Variants in ZFPM2 observed in about 807,000 individuals in gnomAD.
ZFPM2 encodes the protein zinc finger protein ZFPM2.
ZFPM2 carries 20 observed loss-of-function variants against 98.6 expected under a neutral mutation model. The ratio of observed to expected loss-of-function variants is 0.20; its 90% CI spans 0.14 to 0.29. The LOEUF is 0.29. Ranked by LOEUF, ZFPM2 falls within the 10% of genes least tolerant of loss-of-function variation. ZFPM2 has a pLI of 1.00. For synonymous variants in ZFPM2, 518 were observed against 502.7 expected, an observed-to-expected ratio of 1.03 and a Z score of -0.41; for missense variants, 1,310 against 1,388.6, an observed-to-expected ratio of 0.94 and a Z score of 0.90.
intron 5 of ZFPM2, among the ~76,000 whole-genome samples, chr8:105,683,567 CCAGA>C (rs991379099): frequency 1.3e-5 from 2 of 152,010 alleles, no homozygotes; most frequent in African/African-American, 2.4e-5. Context: ...CCACACACAC[CCAGA>C]CAATCTTCCC....
At chr8:105,712,473 G>A (rs1473932600) in intron 5 of ZFPM2, among the ~76,000 whole-genome samples, 6 of 152,130 alleles carry the variant, frequency 3.9e-5, no homozygotes, top group East Asian at 1.9e-4. Flanking sequence ...AAACTGATGC[G>A]GAGGTATGTC....
chr8:105,499,026 C>T (rs756194514), intron 3 of ZFPM2, among the ~76,000 whole-genome samples: 29 of 152,136 alleles, frequency 1.9e-4, no homozygotes, highest in Non-Finnish European at 4.0e-4. Flanking sequence ...CTCCCCATTT[C>T]TGAGCACATA....
chr8:105,521,588 T>TC (rs1814062873), intron 3 of ZFPM2, among the ~76,000 whole-genome samples: 1 of 152,138 alleles, frequency 6.6e-6, no homozygotes, highest in African/African-American at 2.4e-5. Flanking sequence ...ACTTTCTTTT[T>TC]TTTTTTGAGA....
chr8:105,366,093 G>T (rs1810501663), intron 1 of ZFPM2, among the ~76,000 whole-genome samples: 2 of 152,116 alleles, frequency 1.3e-5, no homozygotes, highest in African/African-American at 4.8e-5. Flanking sequence ...ATATCAAAAT[G>T]ATACTATCAT....
chr8:105,575,017 T>C (rs1212042423), intron 4 of ZFPM2, among the ~76,000 whole-genome samples: 1 of 152,064 alleles, frequency 6.6e-6, no homozygotes, highest in African/African-American at 2.4e-5. Context: ...TATCTGAATA[T>C]TTTCAGCAAG....
At chr8:105,576,951 A>G (rs73307941) in intron 4 of ZFPM2, among the ~76,000 whole-genome samples, 257 of 151,968 alleles carry the variant, frequency 1.7e-3, no homozygotes, top group African/African-American at 5.8e-3. Flanking sequence ...TTATAGTGGT[A>G]TGTTATTTTT....
chr8:105,680,185 ATTG>A (rs1456322202), intron 5 of ZFPM2, among the ~76,000 whole-genome samples: 1 of 152,086 alleles, frequency 6.6e-6, no homozygotes, highest in Non-Finnish European at 1.5e-5. Context: ...TGAATACTAC[ATTG>A]TCTGTTGTGG....
chr8:105,581,545 C>A (rs1815599557), intron 4 of ZFPM2, among the ~76,000 whole-genome samples: 1 of 152,090 alleles, frequency 6.6e-6, no homozygotes, highest in African/African-American at 2.4e-5. Context: ...GTAGCTAGAA[C>A]TAACCTGTTT....
intron 4 of ZFPM2, among the ~76,000 whole-genome samples, chr8:105,581,651 G>T (rs1472328879): frequency 2.6e-5 from 4 of 152,020 alleles, no homozygotes; most frequent in African/African-American, 9.7e-5. Context: ...TAATAAAACG[G>T]CAATTTTCCC....
At chr8:105,420,924 A>G (rs1161752238) in intron 2 of ZFPM2, among the ~76,000 whole-genome samples, 2 of 152,136 alleles carry the variant, frequency 1.3e-5, no homozygotes, top group South Asian at 2.1e-4. Flanking sequence ...TATGATAGGT[A>G]CTACTGTATG....
intron 1 of ZFPM2, among the ~76,000 whole-genome samples, chr8:105,406,259 G>A (rs1811456538): frequency 6.6e-6 from 1 of 152,010 alleles, no homozygotes; most frequent in African/African-American, 2.4e-5. Flanking sequence ...TTCTTTTGCT[G>A]TGCAGAAGCT....
At chr8:105,628,959 G>A (rs1308161168) in intron 4 of ZFPM2, among the ~76,000 whole-genome samples, 1 of 152,206 alleles carries the variant, frequency 6.6e-6, no homozygotes, top group Non-Finnish European at 1.5e-5. Flanking sequence ...ACTGCGGACA[G>A]CAGAGCTAAA....
chr8:105,791,573 C>A (rs992560262), intron 6 of ZFPM2, among the ~76,000 whole-genome samples: 11 of 151,948 alleles, frequency 7.2e-5, no homozygotes, highest in Non-Finnish European at 1.5e-4. Flanking sequence ...TATCTCTGCC[C>A]GGCTTTGGTA....
intron 4 of ZFPM2, among the ~76,000 whole-genome samples, chr8:105,591,403 A>G (rs934689177): frequency 1.1e-4 from 17 of 152,162 alleles, no homozygotes; most frequent in African/African-American, 4.1e-4. Flanking sequence ...TTGTTCATAA[A>G]TATAAAACAC....
intron 3 of ZFPM2, among the ~76,000 whole-genome samples, chr8:105,475,954 GAT>G (rs1170510891): frequency 6.6e-6 from 1 of 152,160 alleles, no homozygotes; most frequent in Non-Finnish European, 1.5e-5. Context: ...TAAAACAACA[GAT>G]AGCCAGAGCT....
chr8:105,355,532 G>A (rs917264858), intron 1 of ZFPM2, among the ~76,000 whole-genome samples: 6 of 152,150 alleles, frequency 3.9e-5, no homozygotes, highest in Admixed American at 2.6e-4. Flanking sequence ...TCCATTTACT[G>A]TGCCTTTTAA....
At chr8:105,434,489 A>C (rs987324379) in intron 2 of ZFPM2, among the ~76,000 whole-genome samples, 10 of 152,188 alleles carry the variant, frequency 6.6e-5, no homozygotes, top group African/African-American at 2.4e-4. Context: ...CTGATGATAA[A>C]ACCATAAGTG....
intron 4 of ZFPM2, among the ~76,000 whole-genome samples, chr8:105,608,003 C>T (rs977122347): frequency 6.6e-6 from 1 of 151,770 alleles, no homozygotes; most frequent in Non-Finnish European, 1.5e-5. Flanking sequence ...ACTGTGCAGC[C>T]GTAAAAAAGA....
chr8:105,593,496 T>A (rs537302934), intron 4 of ZFPM2, among the ~76,000 whole-genome samples: 103 of 152,208 alleles, frequency 6.8e-4, no homozygotes, highest in African/African-American at 2.4e-3. Context: ...TACTTATTAA[T>A]AAAGATTTGT....
Sources: allele counts gnomAD v4.1 joint callset (sites outside exome capture counted in the v4.1 genomes callset), GRCh38; gene constraint gnomAD v4.1.1; transcripts MANE v1.5; gene names NCBI Gene and HGNC (gene_info 2026-07-23, HGNC 2026-07-21).